The following NPAS4 variants were observed in gnomAD, a reference collection of about 807,000 sequenced individuals.
NPAS4 encodes neuronal PAS domain-containing protein 4.
In NPAS4, 10 loss-of-function variants were observed where a neutral mutation model predicts 64.0. The ratio of observed to expected loss-of-function variants is 0.16; its 90% confidence interval spans 0.10 to 0.26. NPAS4 has a LOEUF of 0.26. Among genes scored for constraint, NPAS4 ranks in the 10% least tolerant of loss-of-function variants. The pLI, the probability that NPAS4 is intolerant of heterozygous loss-of-function variation, is 1.00. For synonymous variants in NPAS4, 441 were observed against 411.7 expected, an observed-to-expected ratio of 1.07 and a Z score of -0.86; for missense variants, 886 against 992.6, an observed-to-expected ratio of 0.89 and a Z score of 1.44.
upstream of NPAS4, among the ~76,000 whole-genome samples, chr11:66,420,128 G>T (rs942837481): frequency 1.3e-5 from 2 of 152,228 alleles, no homozygotes; most frequent in African/African-American, 2.4e-5. Context: ...GGAAGCGCTC[G>T]CTTGGGGGCC....
upstream of NPAS4, among the ~76,000 whole-genome samples, chr11:66,420,696 T>C (rs1316992977): frequency 6.6e-6 from 1 of 152,166 alleles, no homozygotes; most frequent in East Asian, 1.9e-4. Context: ...GCCCTAAACC[T>C]GGCCCTGTCG....
chr11:66,424,917 G>A lies in NPAS4; in HGVS notation c.2027G>A (p.Gly676Glu), dbSNP rs1371192899. The change falls in exon 7 of 8, where the codon GGG becomes GAG. Residue 676 changes from glycine to glutamate, a missense_variant. Transcript: ENST00000311034. The part of the protein sequence containing the change: ...EPLDSNLSLS[G>E]AGPPVLSLDL... ...CTGGACTCCAACCTGTCCCTGTCAG[G>A]GGCAGGCCCCCCTGTGCTCAGCCTG... is the stretch of plus-strand genomic sequence containing the variant. 6.2e-7 allele frequency: 1 copy of A among 1,613,986 alleles called. No individual in the cohort carries two copies. Among genetic ancestry groups the A allele is most frequent in the South Asian group, 1.1e-5 (1 of 91,082 alleles).
At position 66,426,031 on chromosome 11, in the gene NPAS4, A is replaced by T; in HGVS notation, c.*42A>T. On this transcript the variant is annotated 3_prime_UTR_variant, in exon 8 of 8. Coordinates refer to ENST00000311034, the MANE Select transcript of NPAS4 (RefSeq NM_178864.4). ...ACGTCGTCAAGTATGGCATATTGTC[A>T]TCAAGACGTGGAGCCGCTCTCCACC... is the stretch of plus-strand genomic sequence containing the variant. 1 of 1,544,464 alleles carries T rather than the reference A, an allele frequency of 6.5e-7. No homozygotes were observed. The highest frequency in any genetic ancestry group is 8.9e-7 in the Non-Finnish European group (1 of 1,117,608).
At chr11:66,412,044 A>G in the NPAS4 span, among the ~76,000 whole-genome samples, 1 of 152,258 alleles carries the variant, frequency 6.6e-6, no homozygotes, top group Admixed American at 6.5e-5. Context: ...CCCTGATAGT[A>G]ACAAGGAGAG....
the NPAS4 span, among the ~76,000 whole-genome samples, chr11:66,411,739 C>T: frequency 2.6e-5 from 4 of 152,224 alleles, no homozygotes; most frequent in African/African-American, 9.6e-5. Flanking sequence ...GTGGTTCCCG[C>T]GTTCCCCAGC....
Position 66,426,141 on chromosome 11 carries a change from G to A in NPAS4, c.*152G>A. The A allele has an allele frequency of 2.2e-6, 1 of 451,746 alleles. No homozygotes were observed. The highest frequency in any genetic ancestry group is 2.2e-5 in the South Asian group (1 of 46,198). The allele number at this position is 451,746 out of a possible 1,614,324, so 28.0% of individuals were successfully genotyped here. A position where few individuals can be genotyped will look rare whatever the true frequency, so the allele number is the denominator to read the frequency against. ...CCCTGCAGGATTTTGGGGGGGGGGA[G>A]GTGGGAGGGCAAGGGAGGGGAGCTT... On this transcript the variant is annotated 3_prime_UTR_variant, in exon 8 of 8. Transcript: ENST00000311034.
chr11:66,417,297 T>C (rs1258962505), upstream of NPAS4, among the ~76,000 whole-genome samples: 1 of 152,102 alleles, frequency 6.6e-6, no homozygotes, highest in African/African-American at 2.4e-5. Flanking sequence ...CCTGTGTGTG[T>C]GTGCATGCGC....
chr11:66,423,568 T>G lies in NPAS4; in HGVS notation c.809-10T>G. 6.2e-7 allele frequency: 1 copy of G among 1,613,896 alleles called. No individual in the cohort carries two copies. Among genetic ancestry groups the G allele is most frequent in the Non-Finnish European group, 8.5e-7 (1 of 1,180,004 alleles). The stretch of plus-strand genomic sequence containing the variant: ...TGGACATCCTAACTCTGCATCTTCT[T>G]TCTCCCCAGTGGCTGAGAGTGGAGA... On this transcript the variant is annotated splice_polypyrimidine_tract_variant and intron_variant, in intron 5 of 7. Coordinates refer to ENST00000311034, the MANE Select transcript of NPAS4 (RefSeq NM_178864.4).
At chr11:66,416,653 T>C (rs1264634243), upstream of NPAS4, 1 of 152,262 alleles carries the variant, frequency 6.6e-6, no homozygotes, top group Non-Finnish European at 1.5e-5. Context: ...CCCACCTGTC[T>C]GGTCTGACCA....
At chr11:66,423,557 C>T in intron 5 of NPAS4, 21 bp from the exon 6 acceptor site, 1 of 1,613,560 alleles carries the variant, frequency 6.2e-7, no homozygotes, top group Non-Finnish European at 8.5e-7. Context: ...CATCCTAACT[C>T]TGCATCTTCT....
chr11:66,414,840 A>G, the NPAS4 span, among the ~76,000 whole-genome samples: 2 of 152,138 alleles, frequency 1.3e-5, no homozygotes, highest in Admixed American at 1.3e-4. Flanking sequence ...AAATCCACCA[A>G]TTCAAAAGAA....
At position 66,424,982 on chromosome 11, in the gene NPAS4, G is replaced by C. The variant is rs1021126883; in HGVS notation, c.2092G>C (p.Ala698Pro). The C allele has an allele frequency of 8.1e-6, 13 of 1,614,162 alleles. No individual in the cohort carries two copies. Among genetic ancestry groups the C allele is most frequent in the Non-Finnish European group, 1.1e-5 (13 of 1,180,032 alleles). Residue 698 changes from alanine (A) to proline (P), a missense_variant, in exon 7 of 8, where the codon GCT (alanine) becomes CCT (proline). Ala to Pro is a conservative substitution (Grantham distance 27, BLOSUM62 -1). This residue lies in a region of NPAS4 where 820 missense variants were observed against 855.5 expected (regional missense o/e 0.96). Transcript: ENST00000311034. ...PWKCQELDFL[A>P]DPDNMFLEET... ...GAAATGCCAGGAGCTGGACTTCCTGGCTGACCCTGATAACATGTTCCTGGA... is the reference window on the plus strand; with the variant it reads ...GAAATGCCAGGAGCTGGACTTCCTGCCTGACCCTGATAACATGTTCCTGGA...
upstream of NPAS4, among the ~76,000 whole-genome samples, chr11:66,417,769 A>C (rs563995600): frequency 6.6e-6 from 1 of 152,114 alleles, no homozygotes; most frequent in African/African-American, 2.4e-5. Flanking sequence ...ATAAATACAC[A>C]CAGGCACAAA....
rs1016077834 is a variant in NPAS4 at position 66,426,506 on chromosome 11, G to C, written c.*517G>C. On this transcript the variant is annotated 3_prime_UTR_variant, in exon 8 of 8. Transcript: ENST00000311034. ...GACTTTTGCGCCCCGCGCCTGGGGT[G>C]GGGGGTGCGAAGAGACGCTACGTTC... The C allele has an allele frequency of 1.9e-5, 3 of 155,760 alleles. No homozygotes were observed. The highest frequency in any genetic ancestry group is 7.2e-5 in the African/African-American group (3 of 41,514). 9.6% of individuals were successfully genotyped at this position (155,760 alleles called of 1,614,324 possible).
rs150700317 is a variant in NPAS4, at chr11:66,424,304, C to A, written c.1414C>A (p.Pro472Thr). 11 of 1,614,066 alleles carry A rather than the reference C, an allele frequency of 6.8e-6. No individual in the cohort carries two copies. Among genetic ancestry groups the A allele is most frequent in the Non-Finnish European group, 9.3e-6 (11 of 1,180,040 alleles). Reference sequence around the variant, plus strand: ...TGCGACCTTCTCTGATCAGTTGACGCCCAGCAGTGCAACCTTCCCAGATCC... The same window carrying A: ...TGCGACCTTCTCTGATCAGTTGACGACCAGCAGTGCAACCTTCCCAGATCC... ...STATFSDQLT[P>T]SSATFPDPLT... Residue 472 changes from proline to threonine, a missense_variant, in exon 7 of 8, where the codon CCC (proline) becomes ACC (threonine). This residue lies in a region of NPAS4 where 820 missense variants were observed against 855.5 expected (regional missense o/e 0.96). Transcript: ENST00000311034.
Position 66,422,539 on chromosome 11 carries a change from C to T in NPAS4, c.416C>T (p.Ser139Phe), listed in dbSNP as rs1856761311. The T allele has an allele frequency of 6.2e-7, 1 of 1,613,762 alleles. No homozygotes were observed. Among genetic ancestry groups the T allele is most frequent in the South Asian group, 1.1e-5 (1 of 91,074 alleles). The change falls in exon 3 of 8, where the codon TCT (serine) becomes TTT (phenylalanine). Residue 139 changes from serine (S) to phenylalanine (F), a missense_variant. By Grantham distance (155) the Ser-to-Phe change is radical. Transcript: ENST00000311034. ...LTVRQQLTLP[S>F]ALDTDRLFRC... is the part of the protein sequence containing the mutation. Reference sequence around the variant, plus strand: ...GTGCGCCAGCAACTCACCCTGCCCTCTGCCCTGGACACTGGTAAGGACTCC... The same window carrying T: ...GTGCGCCAGCAACTCACCCTGCCCTTTGCCCTGGACACTGGTAAGGACTCC...
chr11:66,410,002 C>A, the NPAS4 span: 2 of 152,262 alleles, frequency 1.3e-5, no homozygotes, highest in African/African-American at 2.4e-5. Flanking sequence ...CTTTCTGGAA[C>A]CAAACATTTC....
At chr11:66,418,196 GCAGGCTCTGATGCCTCCCC>G (rs1856691952), upstream of NPAS4, among the ~76,000 whole-genome samples, 1 of 152,170 alleles carries the variant, frequency 6.6e-6, no homozygotes, top group Non-Finnish European at 1.5e-5. Context: ...CCCACAGCCA[GCAGGCTCTGATGCCTCCCC>G]CATCTCAGGC....
At chr11:66,409,992 C>T in the NPAS4 span, 1 of 152,156 alleles carries the variant, frequency 6.6e-6, no homozygotes, top group Non-Finnish European at 1.5e-5. Context: ...AGCTCTGGAA[C>T]TTTCTGGAAC....
Sources: allele counts gnomAD v4.1 joint callset (sites outside exome capture counted in the v4.1 genomes callset), GRCh38; gene constraint gnomAD v4.1.1; regional missense constraint gnomAD v4.1.1; transcripts MANE v1.5; gene names NCBI Gene and HGNC (gene_info 2026-07-23, HGNC 2026-07-21).